Variants in ZFHX3 observed in about 807,000 individuals in gnomAD.
ZFHX3 encodes the protein zinc finger homeobox 3, also known as zinc finger homeobox protein 3.
ZFHX3 carries 42 observed loss-of-function variants against 279.1 expected under a neutral mutation model. The ratio of observed to expected loss-of-function variants is 0.15; its 90% confidence interval spans 0.12 to 0.19. ZFHX3 has a LOEUF of 0.19. ZFHX3 is among the 10% of genes least tolerant of loss of function. The pLI, the probability that ZFHX3 is intolerant of heterozygous loss-of-function variation, is 1.00. For synonymous variants in ZFHX3, 2,293 were observed against 1,957.8 expected, an observed-to-expected ratio of 1.17 and a Z score of -4.52; for missense variants, 4,981 against 4,754.0, an observed-to-expected ratio of 1.05 and a Z score of -1.40.
At chr16:72,858,521 G>A (rs966344853) in intron 4 of ZFHX3, among the ~76,000 whole-genome samples, 1 of 152,210 alleles carries the variant, frequency 6.6e-6, no homozygotes, top group South Asian at 2.1e-4. Flanking sequence ...TGGATCTGGT[G>A]CTTTTATACA....
intron 6 of ZFHX3, among the ~76,000 whole-genome samples, chr16:73,132,280 G>C (rs962796721): frequency 1.5e-4 from 23 of 151,114 alleles, no homozygotes; most frequent in African/African-American, 5.7e-4. Context: ...GCAAGACTCT[G>C]TCTCAAAAAA....
chr16:72,933,287 AGAG>A, intron 3 of ZFHX3, among the ~76,000 whole-genome samples: 1 of 151,854 alleles, frequency 6.6e-6, no homozygotes, highest in South Asian at 2.1e-4. Context: ...CCCTGTCTTC[AGAG>A]ACACAACAGA....
chr16:73,852,989 C>G (rs1460581319), intron 1 of ZFHX3, among the ~76,000 whole-genome samples: 1 of 151,958 alleles, frequency 6.6e-6, no homozygotes, highest in African/African-American at 2.4e-5. Flanking sequence ...AACAAACAAA[C>G]AAACAAACAT....
intron 1 of ZFHX3, among the ~76,000 whole-genome samples, chr16:73,003,145 G>A (rs1407439976): frequency 1.3e-5 from 2 of 152,104 alleles, no homozygotes; most frequent in Admixed American, 6.5e-5. Context: ...TCAATCCCCT[G>A]TAAGATTTTT....
intron 1 of ZFHX3, among the ~76,000 whole-genome samples, chr16:73,869,007 G>A (rs745728096): frequency 1.3e-5 from 2 of 152,084 alleles, no homozygotes; most frequent in Non-Finnish European, 2.9e-5. Flanking sequence ...ATGTTGTCCT[G>A]ATCAATTTAA....
chr16:73,889,358 A>G (rs2030453643), intron 1 of ZFHX3, among the ~76,000 whole-genome samples: 2 of 152,184 alleles, frequency 1.3e-5, no homozygotes, highest in South Asian at 4.1e-4. Context: ...TTTTCTATTA[A>G]TAGTATCCGT....
chr16:73,078,999 C>A (rs1965914989), intron 8 of ZFHX3, among the ~76,000 whole-genome samples: 1 of 152,110 alleles, frequency 6.6e-6, no homozygotes, highest in Non-Finnish European at 1.5e-5. Context: ...GTCACATTAC[C>A]TTATGGTGCC....
chr16:73,090,297 G>C (rs1485723629), intron 8 of ZFHX3, among the ~76,000 whole-genome samples: 1 of 152,220 alleles, frequency 6.6e-6, no homozygotes, highest in Non-Finnish European at 1.5e-5. Flanking sequence ...GGAGGCTGAG[G>C]TGGGAGGATG....
chr16:72,852,962 T>A (rs1311694375), intron 4 of ZFHX3, among the ~76,000 whole-genome samples: 1 of 152,226 alleles, frequency 6.6e-6, no homozygotes, highest in Non-Finnish European at 1.5e-5. Context: ...CCTGCCCTCA[T>A]GGAACTTACC....
At chr16:73,374,668 C>T (rs1336873926) in intron 3 of ZFHX3, among the ~76,000 whole-genome samples, 5 of 152,160 alleles carry the variant, frequency 3.3e-5, no homozygotes, top group East Asian at 1.9e-4. Flanking sequence ...TTGCAATGGT[C>T]GATAGGTCTT....
intron 2 of ZFHX3, among the ~76,000 whole-genome samples, chr16:73,515,516 A>G (rs2019504690): frequency 6.7e-6 from 1 of 150,006 alleles, no homozygotes; most frequent in African/African-American, 2.5e-5. Context: ...AAGAGAGAGA[A>G]AGAAAGAAAG....
chr16:73,440,347 A>G (rs2018069292), intron 3 of ZFHX3, among the ~76,000 whole-genome samples: 2 of 152,204 alleles, frequency 1.3e-5, no homozygotes, highest in Admixed American at 1.3e-4. Context: ...TCCATGGGTG[A>G]ACTCCAGAAA....
At chr16:73,007,368 G>A (rs1467405283) in intron 1 of ZFHX3, among the ~76,000 whole-genome samples, 4 of 152,328 alleles carry the variant, frequency 2.6e-5, no homozygotes, top group African/African-American at 9.6e-5. Context: ...GTATTTAGCA[G>A]GCAATTATAG....
At chr16:73,541,675 G>A (rs530594584) in intron 2 of ZFHX3, among the ~76,000 whole-genome samples, 34 of 151,376 alleles carry the variant, frequency 2.2e-4, no homozygotes, top group African/African-American at 6.3e-4. Context: ...TACATGGGAC[G>A]CTTGGATGAG....
At chr16:73,241,878 A>T (rs1597238109) in intron 5 of ZFHX3, among the ~76,000 whole-genome samples, 1 of 150,928 alleles carries the variant, frequency 6.6e-6, no homozygotes, top group East Asian at 2.0e-4. Flanking sequence ...TTCCATCAGG[A>T]TCAGAATCTC....
chr16:73,141,398 A>T (rs964696535), intron 6 of ZFHX3, among the ~76,000 whole-genome samples: 13 of 144,618 alleles, frequency 9.0e-5, no homozygotes, highest in Non-Finnish European at 1.7e-4. Flanking sequence ...TCTTTAAATA[A>T]TTTTTTTTTT....
intron 3 of ZFHX3, among the ~76,000 whole-genome samples, chr16:72,949,266 A>G (rs771470510): frequency 1.3e-5 from 2 of 152,214 alleles, no homozygotes; most frequent in Admixed American, 6.5e-5. Context: ...CGGGGCCAGC[A>G]GAAACCAAAC....
At chr16:73,546,302 TC>T (rs988895297) in intron 2 of ZFHX3, among the ~76,000 whole-genome samples, 5 of 152,058 alleles carry the variant, frequency 3.3e-5, no homozygotes, top group African/African-American at 9.7e-5. Flanking sequence ...ATTCTTTTTC[TC>T]CCCCTGTGCA....
chr16:73,398,297 T>C (rs942037966), intron 3 of ZFHX3, among the ~76,000 whole-genome samples: 2 of 151,976 alleles, frequency 1.3e-5, no homozygotes, highest in Non-Finnish European at 2.9e-5. Flanking sequence ...GAAAGGGAAA[T>C]GGGAGAAAAA....
Sources: gnomAD v4.1 joint callset for allele counts (sites outside exome capture counted in the v4.1 genomes callset) on GRCh38, gnomAD v4.1.1 for gene constraint, MANE v1.5 for transcripts, NCBI Gene and HGNC (gene_info 2026-07-23, HGNC 2026-07-21) for gene names.